Variants in GASK1B observed in about 807,000 individuals in gnomAD.
The protein encoded by GASK1B is golgi associated kinase 1B.
In GASK1B, 34 loss-of-function variants were observed where a neutral mutation model predicts 42.8. The observed-to-expected ratio is 0.79, with a 90% CI of 0.60 to 1.06. The LOEUF is 1.06. Among genes scored for constraint, GASK1B ranks in the 50% least tolerant of loss-of-function variants. The pLI, the probability that GASK1B is intolerant of heterozygous loss-of-function variation, is 0.00. For missense variants in GASK1B, 686 were observed against 661.0 expected, an observed-to-expected ratio of 1.04 and a Z score of -0.42; for synonymous variants, 262 against 259.1, an observed-to-expected ratio of 1.01 and a Z score of -0.11.
intron 3 of GASK1B, among the ~76,000 whole-genome samples, chr4:158,138,567 A>G (rs1053379656): frequency 6.6e-6 from 1 of 152,180 alleles, no homozygotes; most frequent in African/African-American, 2.4e-5. Flanking sequence ...AAGGAATAGT[A>G]TCACTGAAAA....
intron 2 of GASK1B, among the ~76,000 whole-genome samples, chr4:158,165,869 C>G (rs1408113140): frequency 6.6e-6 from 1 of 152,112 alleles, no homozygotes; most frequent in East Asian, 1.9e-4. Context: ...AGAGTAATAT[C>G]TGCTATGTAA....
intron 3 of GASK1B, among the ~76,000 whole-genome samples, chr4:158,146,849 T>C (rs946476114): frequency 6.6e-6 from 1 of 152,252 alleles, no homozygotes; most frequent in Non-Finnish European, 1.5e-5. Context: ...GTCATCCTAA[T>C]GGAGGTGAAT....
rs953928412 is a variant in GASK1B, at chr4:158,126,609, A to G, written c.*798T>C. The G allele has an allele frequency of 6.6e-5, 10 of 152,110 alleles. No homozygotes were observed. Among genetic ancestry groups the G allele is most frequent in the Admixed American group, 4.6e-4 (7 of 15,252 alleles). 9.4% of individuals were successfully genotyped at this position (152,110 alleles called of 1,614,324 possible). A position where few individuals can be genotyped will look rare whatever the true frequency, so the allele number is the denominator to read the frequency against. On this transcript the variant is annotated 3_prime_UTR_variant, in exon 5 of 5. Transcript: ENST00000585682. Reference sequence around the variant, plus strand: ...AAAGAGACATCCATTTTAAAATGATACTCTGTAAGTACATTTTCAGATAGG... The same window carrying G: ...AAAGAGACATCCATTTTAAAATGATGCTCTGTAAGTACATTTTCAGATAGG...
intron 2 of GASK1B, 161 bp downstream of exon 2, chr4:158,170,305 A>C (rs1732421490): frequency 6.2e-7 from 1 of 1,614,142 alleles, no homozygotes; most frequent in African/African-American, 1.3e-5. Context: ...GGCTGGGAAA[A>C]TAAAGAATGC....
chr4:158,171,271 C>G lies in GASK1B; in HGVS notation c.105G>C (p.Arg35=). The change falls in exon 2 of 5, where the codon CGG becomes CGC. Residue 35 remains arginine, a synonymous_variant. Coordinates refer to ENST00000585682, the MANE Select transcript of GASK1B (RefSeq NM_001128424.2). Reference sequence around the variant, plus strand: ...ACGCAGTGCCCAGCAGAAGGTTTCTCCGGGTCCTTGGACGCCGGCTGCTCC... The same window carrying G: ...ACGCAGTGCCCAGCAGAAGGTTTCTGCGGGTCCTTGGACGCCGGCTGCTCC... ...KLWSSRRPRT[R]RNLLLGTACA... The G allele has an allele frequency of 2.5e-6, 4 of 1,613,946 alleles. No homozygotes were observed. The highest frequency in any genetic ancestry group is 3.4e-6 in the Non-Finnish European group (4 of 1,180,008).
intron 4 of GASK1B, among the ~76,000 whole-genome samples, 169 bp downstream of exon 4, chr4:158,130,617 T>C (rs1162696217): frequency 1.3e-5 from 2 of 152,182 alleles, no homozygotes; most frequent in African/African-American, 4.8e-5. Context: ...GCACTCTGGT[T>C]CTGTTCTTCT....
chr4:158,161,637 A>G (rs1025904193), intron 2 of GASK1B, among the ~76,000 whole-genome samples: 1 of 152,102 alleles, frequency 6.6e-6, no homozygotes, highest in African/African-American at 2.4e-5. Flanking sequence ...AAACTCCAAG[A>G]CTCTTCCTGT....
At chr4:158,145,928 T>A (rs889970465) in intron 3 of GASK1B, among the ~76,000 whole-genome samples, 2 of 152,210 alleles carry the variant, frequency 1.3e-5, no homozygotes, top group African/African-American at 4.8e-5. Context: ...TATCATTAAA[T>A]AAACAGTTAT....
intron 3 of GASK1B, among the ~76,000 whole-genome samples, chr4:158,136,146 C>G (rs543375272): frequency 6.6e-6 from 1 of 152,050 alleles, no homozygotes; most frequent in Non-Finnish European, 1.5e-5. Flanking sequence ...TCCTTGGATC[C>G]TACTGTGAGT....
At chr4:158,155,960 A>G in intron 2 of GASK1B, 135 bp from the exon 3 acceptor site, 1 of 686,242 alleles carries the variant, frequency 1.5e-6, no homozygotes, top group Non-Finnish European at 2.5e-6. Context: ...ATATTTTATG[A>G]TCTCTTTGTC....
In GASK1B at chr4:158,127,228, C is replaced by T; in HGVS notation, c.*179G>A. ...TCTCAAGTAGTTTGTTTTTCAAAAC[C>T]TTTTTAAGTATGCATACAGTGCTAA... On this transcript the variant is annotated 3_prime_UTR_variant, in exon 5 of 5. Transcript: ENST00000585682. 1 of 448,812 alleles carries T rather than the reference C, an allele frequency of 2.2e-6. No individual in the cohort carries two copies. Among genetic ancestry groups the T allele is most frequent in the Non-Finnish European group, 3.9e-6 (1 of 255,038 alleles). 27.8% of individuals were successfully genotyped at this position (448,812 alleles called of 1,614,324 possible).
chr4:158,144,714 C>T (rs79964118), intron 3 of GASK1B, among the ~76,000 whole-genome samples: 3,059 of 152,258 alleles, frequency 0.02, 104 homozygotes, highest in African/African-American at 0.068. Context: ...CAGCATGCTA[C>T]CCAATACTGA....
chr4:158,170,415 T>C (rs780831701), intron 2 of GASK1B, 51 bp downstream of exon 2: 9 of 1,614,000 alleles, frequency 5.6e-6, no homozygotes, highest in Non-Finnish European at 7.6e-6. Flanking sequence ...AAAAAGAAAA[T>C]GAACCAGAAT....
chr4:158,170,946 C>A lies in GASK1B; in HGVS notation c.430G>T (p.Ala144Ser), dbSNP rs1221178406. The change falls in exon 2 of 5, where the codon GCT (alanine) becomes TCT (serine). Residue 144 changes from alanine to serine, a missense_variant. Ala to Ser is a moderately conservative substitution (Grantham distance 99). Transcript: ENST00000585682. The part of the protein sequence containing the change: ...AVASAAPGQE[A>S]LVGPSLQPQE... ...GGCTGAAGGGATGGTCCGACCAAAG[C>A]CTCCTGCCCTGGGGCAGCCGATGCC... 3.1e-6 allele frequency: 5 copies of A among 1,614,230 alleles called. No individual in the cohort carries two copies. In the South Asian group the frequency reaches 5.5e-5, roughly 18 times the overall value.
intron 3 of GASK1B, among the ~76,000 whole-genome samples, chr4:158,143,526 C>T (rs969150605): frequency 1.1e-4 from 17 of 152,006 alleles, no homozygotes; most frequent in African/African-American, 4.1e-4. Flanking sequence ...TCCCGATCTA[C>T]ATTGGAAAAA....
chr4:158,159,538 A>C (rs1560790162), intron 2 of GASK1B: 1 of 450,124 alleles, frequency 2.2e-6, no homozygotes, highest in East Asian at 7.0e-5. Flanking sequence ...CAGAGATGAG[A>C]AGCATTCATC....
At chr4:158,162,672 T>C (rs556100069) in intron 2 of GASK1B, among the ~76,000 whole-genome samples, 2 of 152,258 alleles carry the variant, frequency 1.3e-5, no homozygotes, top group South Asian at 2.1e-4. Context: ...ACTGGGACGA[T>C]GAAAATAGGG....
intron 3 of GASK1B, among the ~76,000 whole-genome samples, chr4:158,148,212 T>A (rs1362531815): frequency 2.0e-5 from 3 of 152,174 alleles, no homozygotes; most frequent in East Asian, 1.9e-4. Context: ...AGACCCTGTC[T>A]CTATTTTAAA....
chr4:158,165,121 C>A (rs1265375115), intron 2 of GASK1B, among the ~76,000 whole-genome samples: 1 of 152,206 alleles, frequency 6.6e-6, no homozygotes, highest in Non-Finnish European at 1.5e-5. Context: ...ATCTTCCATG[C>A]TGGGCATGAA....
Sources: allele counts gnomAD v4.1 joint callset (sites outside exome capture counted in the v4.1 genomes callset), GRCh38; gene constraint gnomAD v4.1.1; transcripts MANE v1.5; gene names NCBI Gene and HGNC (gene_info 2026-07-23, HGNC 2026-07-21).